The following DCTN2 variants were observed in gnomAD, a reference collection of about 807,000 sequenced individuals.
DCTN2 encodes 50 kDa dynein-associated polypeptide.
Under a neutral mutation model 55.4 loss-of-function variants are expected in DCTN2, and 18 were observed. The observed-to-expected ratio is 0.32, with a 90% confidence interval of 0.22 to 0.48. The LOEUF is 0.48. Ranked by LOEUF, DCTN2 falls within the 20% of genes least tolerant of loss-of-function variation. The pLI, the probability that DCTN2 is intolerant of heterozygous loss-of-function variation, is 0.99. For synonymous variants in DCTN2, 168 were observed against 185.2 expected (o/e 0.91, Z 0.76); for missense variants, 390 against 491.0 (o/e 0.79, Z 1.94).
chr12:57,532,418 A>T (rs1172060874), intron 11 of DCTN2, 103 bp from the exon 12 acceptor site: 2 of 1,335,462 alleles, frequency 1.5e-6, no homozygotes, highest in Non-Finnish European at 1.1e-6. Context: ...AAGTGGGCAG[A>T]GGGAAGCAGT....
intron 2 of DCTN2, chr12:57,536,058 C>A (rs1880206934): frequency 1.7e-6 from 1 of 573,724 alleles, no homozygotes; most frequent in Non-Finnish European, 3.1e-6. Flanking sequence ...ATATTAACAC[C>A]CTCATTCAAC....
At chr12:57,539,278 G>A (rs993243079) in intron 2 of DCTN2, among the ~76,000 whole-genome samples, 2 of 152,348 alleles carry the variant, frequency 1.3e-5, no homozygotes, top group South Asian at 2.1e-4. Context: ...CACCTTGAGT[G>A]GCTGGTAACT....
At chr12:57,542,742 C>T (rs1880797666) in intron 2 of DCTN2, 7 of 451,048 alleles carry the variant, frequency 1.6e-5, no homozygotes, top group Admixed American at 1.2e-4. Context: ...TCGCTTGAAC[C>T]GGGGAGGCAA....
intron 13 of DCTN2, among the ~76,000 whole-genome samples, chr12:57,531,351 C>T (rs548579020): frequency 4.0e-5 from 6 of 151,754 alleles, no homozygotes; most frequent in Admixed American, 3.9e-4. Context: ...GGTGAAACCC[C>T]GTCTCTACTA....
chr12:57,532,427 G>C, intron 11 of DCTN2, 112 bp from the exon 12 acceptor site: 1 of 1,319,420 alleles, frequency 7.6e-7, no homozygotes, highest in Non-Finnish European at 1.1e-6. Flanking sequence ...GAGGGAAGCA[G>C]TGCCCTGACT....
chr12:57,536,831 C>G (rs1880273355), intron 2 of DCTN2, among the ~76,000 whole-genome samples: 1 of 152,014 alleles, frequency 6.6e-6, no homozygotes, highest in African/African-American at 2.4e-5. Flanking sequence ...TGACAGCTCC[C>G]AACAGAGTAC....
In DCTN2 at chr12:57,546,060, G is replaced by A. The variant is rs1881125559; in HGVS notation, c.73C>T (p.Leu25=). 6.2e-7 allele frequency: 1 copy of A among 1,613,888 alleles called. No individual in the cohort carries two copies. Among genetic ancestry groups the A allele is most frequent in the Non-Finnish European group, 8.5e-7 (1 of 1,179,860 alleles). The stretch of plus-strand genomic sequence containing the variant: ...AACTCCGCTTGATCATCCTCAGGTA[G>A]GTCGCTAGTTTCATAAACATCTGGC... ...NEPDVYETSD[L]PEDDQAEFDA... Residue 25 remains leucine, a synonymous_variant, in exon 2 of 14, where the codon CTA becomes TTA. Coordinates refer to ENST00000548249, the MANE Select transcript of DCTN2 (RefSeq NM_001261413.2).
chr12:57,533,821 A>ATC, intron 7 of DCTN2, 132 bp downstream of exon 7: 1 of 1,002,360 alleles, frequency 1.0e-6, no homozygotes, highest in Non-Finnish European at 1.4e-6. Flanking sequence ...TCAGGAATCA[A>ATC]AAGAGGAATC....
chr12:57,532,354 G>T, intron 11 of DCTN2, 39 bp from the exon 12 acceptor site: 1 of 1,513,968 alleles, frequency 6.6e-7, no homozygotes, highest in Non-Finnish European at 9.0e-7. Flanking sequence ...GATGGCTGAG[G>T]CAGCCAGGTC....
At chr12:57,542,843 C>G in intron 2 of DCTN2, 1 of 455,476 alleles carries the variant, frequency 2.2e-6, no homozygotes, top group Non-Finnish European at 4.4e-6. Flanking sequence ...AATCTGGAGA[C>G]CCCCTGAAAG....
chr12:57,541,041 A>C (rs1370828454), intron 2 of DCTN2, among the ~76,000 whole-genome samples: 1 of 152,162 alleles, frequency 6.6e-6, no homozygotes, highest in Non-Finnish European at 1.5e-5. Context: ...AGGAGGAGAA[A>C]GGAAACTGCC....
chr12:57,534,438 C>G lies in DCTN2; in HGVS notation c.378G>C (p.Glu126Asp), dbSNP rs374476494. 23 of 1,599,932 alleles carry G rather than the reference C, an allele frequency of 1.4e-5. No individual in the cohort carries two copies. The highest frequency in any genetic ancestry group is 1.9e-5 in the Non-Finnish European group (22 of 1,171,934). The change falls in exon 6 of 14, where the codon GAG becomes GAC. Residue 126 changes from glutamate to aspartate, a missense_variant. Glu to Asp is a conservative substitution (Grantham distance 45, BLOSUM62 2). Around this residue, in one of 2 missense-constraint regions of DCTN2, gnomAD observed 117 missense variants for 187.8 expected, o/e 0.62. Coordinates refer to ENST00000548249, the MANE Select transcript of DCTN2 (RefSeq NM_001261413.2). ...GGGTCAGCTTCTCCTCTGTGGCTGA[C>G]TCCTTCACTGTCGTCTAGTATGAAA... ...EVEKIKTTVK[E>D]SATEEKLTPV...
intron 2 of DCTN2, chr12:57,543,261 A>G (rs1205113376): frequency 1.2e-5 from 4 of 340,926 alleles, no homozygotes; most frequent in African/African-American, 8.7e-5. Context: ...AGGCAGGAGA[A>G]TGGCGTGAAC....
At position 57,546,111 on chromosome 12, in the gene DCTN2, A is replaced by T. The variant is rs1281890682; in HGVS notation, c.37-15T>A. On this transcript the variant is annotated splice_polypyrimidine_tract_variant and intron_variant, in intron 1 of 13. Transcript: ENST00000548249. ...TCATTCCTGGCCTGCAGGTAGAAGC[A>T]GTGACCACCCAACCTCACTACCCAG... is the stretch of plus-strand genomic sequence containing the variant. 1 of 1,613,572 alleles carries T rather than the reference A, an allele frequency of 6.2e-7. No homozygotes were observed. Among genetic ancestry groups the T allele is most frequent in the Non-Finnish European group, 8.5e-7 (1 of 1,179,628 alleles).
At chr12:57,545,509 C>T (rs1594897025) in intron 2 of DCTN2, among the ~76,000 whole-genome samples, 1 of 152,198 alleles carries the variant, frequency 6.6e-6, no homozygotes, top group South Asian at 2.1e-4. Context: ...AAAAATGCAA[C>T]CACAGTCTCA....
chr12:57,545,328 A>T (rs1881058362), intron 2 of DCTN2, among the ~76,000 whole-genome samples: 1 of 152,066 alleles, frequency 6.6e-6, no homozygotes, highest in Non-Finnish European at 1.5e-5. Context: ...TCCTATATGT[A>T]TCCTAATTCC....
intron 2 of DCTN2, among the ~76,000 whole-genome samples, chr12:57,536,381 G>A (rs897539844): frequency 6.6e-6 from 1 of 152,226 alleles, no homozygotes; most frequent in Non-Finnish European, 1.5e-5. Context: ...AAAGAAGGCC[G>A]ACAGAGGGCC....
intron 2 of DCTN2, among the ~76,000 whole-genome samples, chr12:57,541,856 G>T (rs1401999491): frequency 6.6e-6 from 1 of 152,226 alleles, no homozygotes; most frequent in Non-Finnish European, 1.5e-5. Flanking sequence ...ACCTGGGAGT[G>T]TCTGAAGTGC....
chr12:57,532,506 G>A, intron 11 of DCTN2, 66 bp downstream of exon 11: 1 of 1,547,198 alleles, frequency 6.5e-7, no homozygotes, highest in South Asian at 1.1e-5. Context: ...GTGTTCTCAT[G>A]CTTTGACACT....
Sources: gnomAD v4.1 joint callset for allele counts (sites outside exome capture counted in the v4.1 genomes callset) on GRCh38, gnomAD v4.1.1 for gene constraint, gnomAD v4.1.1 regional missense constraint, MANE v1.5 for transcripts, NCBI Gene and HGNC (gene_info 2026-07-23, HGNC 2026-07-21) for gene names.